CREB5: variants seen among roughly 807,000 people sequenced by gnomAD.
CREB5 encodes cAMP responsive element binding protein 5, also known as cyclic AMP-responsive element-binding protein 5.
Under a neutral mutation model 57.1 loss-of-function variants are expected in CREB5, and 19 were observed. That is an observed-to-expected ratio of 0.33 (90% CI 0.23 to 0.49). The LOEUF is 0.49. Ranked by LOEUF, CREB5 falls within the 20% of genes least tolerant of loss-of-function variation. The pLI is 0.99. For synonymous variants in CREB5, 238 were observed against 238.3 expected, an observed-to-expected ratio of 1.00 and a Z score of 0.01; for missense variants, 579 against 671.6, an observed-to-expected ratio of 0.86 and a Z score of 1.52.
intron 5 of CREB5, among the ~76,000 whole-genome samples, chr7:28,706,164 G>A (rs141986090): frequency 2.4e-3 from 363 of 152,246 alleles, no homozygotes; most frequent in African/African-American, 8.0e-3. Context: ...AGACCAGCTC[G>A]GCCAACATGG....
At chr7:28,650,167 G>T (rs557297723) in intron 5 of CREB5, among the ~76,000 whole-genome samples, 1 of 152,148 alleles carries the variant, frequency 6.6e-6, no homozygotes, top group Non-Finnish European at 1.5e-5. Flanking sequence ...GAAAAATTCT[G>T]TGTCCAGAAT....
chr7:28,312,407 G>C (rs1048843302), intron 1 of CREB5, among the ~76,000 whole-genome samples: 1 of 152,204 alleles, frequency 6.6e-6, no homozygotes, highest in Non-Finnish European at 1.5e-5. Context: ...TGGTGGAGCT[G>C]CAAGGAATGC....
intron 4 of CREB5, among the ~76,000 whole-genome samples, chr7:28,524,975 C>T (rs976102575): frequency 2.6e-5 from 4 of 151,956 alleles, no homozygotes; most frequent in South Asian, 2.1e-4. Flanking sequence ...CTTCATTCCC[C>T]GAACCCCACC....
At position 28,825,799 on chromosome 7, in the gene CREB5, ATC is replaced by A. The variant is rs928692304; in HGVS notation, c.*6524_*6525del. On this transcript the variant is annotated 3_prime_UTR_variant, in exon 11 of 11. Coordinates refer to ENST00000357727, the MANE Select transcript of CREB5 (RefSeq NM_182898.4). ...CTGTTCAACTAGGTCAGATTTTTAC[ATC>A]TCTTTCTAGCAAGAAGAGACAAGAT... is the stretch of plus-strand genomic sequence containing the variant. 6.6e-6 allele frequency: 1 copy of A among 152,666 alleles called. No homozygotes were observed. Among genetic ancestry groups the A allele is most frequent in the African/African-American group, 2.4e-5 (1 of 41,464 alleles). The allele number at this position is 152,666 out of a possible 1,614,324, so 9.5% of individuals were successfully genotyped here. A position where few individuals can be genotyped will look rare whatever the true frequency, so the allele number is the denominator to read the frequency against.
chr7:28,370,320 C>G (rs2127993836), intron 1 of CREB5, among the ~76,000 whole-genome samples: 1 of 152,316 alleles, frequency 6.6e-6, no homozygotes, highest in African/African-American at 2.4e-5. Context: ...CTCAACATCT[C>G]TCTGCCTCAT....
intron 1 of CREB5, among the ~76,000 whole-genome samples, chr7:28,414,364 T>A (rs1464949821): frequency 2.6e-5 from 4 of 152,118 alleles, no homozygotes; most frequent in Non-Finnish European, 5.9e-5. Context: ...TTGTCCACTT[T>A]GACTACCAGC....
intron 2 of CREB5, among the ~76,000 whole-genome samples, chr7:28,490,369 G>T (rs946677541): frequency 1.3e-5 from 2 of 152,180 alleles, no homozygotes; most frequent in African/African-American, 4.8e-5. Context: ...CTAAGGAAGG[G>T]GCATTTAATG....
intron 5 of CREB5, among the ~76,000 whole-genome samples, chr7:28,669,043 C>T (rs1309935623): frequency 6.6e-6 from 1 of 152,190 alleles, no homozygotes; most frequent in Non-Finnish European, 1.5e-5. Flanking sequence ...AGAAAGAACA[C>T]ATCTGGCTTG....
chr7:28,426,852 G>A (rs963208548), intron 1 of CREB5, among the ~76,000 whole-genome samples: 2 of 152,068 alleles, frequency 1.3e-5, no homozygotes, highest in African/African-American at 4.8e-5. Flanking sequence ...TTCTTTCATC[G>A]AATTAGCATA....
rs182306816 is a variant in CREB5, at chr7:28,820,027, G to T, written c.*748G>T. 6.7e-6 allele frequency: 1 copy of T among 149,948 alleles called. No individual in the cohort carries two copies. 9.3% of individuals were successfully genotyped at this position (149,948 alleles called of 1,614,324 possible). A position where few individuals can be genotyped will look rare whatever the true frequency, so the allele number is the denominator to read the frequency against. ...AAAAAAAAAAGCAAACCTCCAAAAC[G>T]TGGACCTAACCATTGCTTCACTTAC... On this transcript the variant is annotated 3_prime_UTR_variant, in exon 11 of 11. Coordinates refer to ENST00000357727, the MANE Select transcript of CREB5 (RefSeq NM_182898.4).
At chr7:28,733,672 T>C (rs929279444) in intron 7 of CREB5, among the ~76,000 whole-genome samples, 1 of 152,200 alleles carries the variant, frequency 6.6e-6, no homozygotes, top group African/African-American at 2.4e-5. Flanking sequence ...GTGTTGTCAT[T>C]GTCCATGGAC....
chr7:28,516,324 G>A (rs62449890), intron 4 of CREB5, among the ~76,000 whole-genome samples: 2,480 of 152,222 alleles, frequency 0.016, 29 homozygotes, highest in Non-Finnish European at 0.024. Flanking sequence ...TAGAGAGATC[G>A]GTGTGGGACA....
At chr7:28,510,175 T>C (rs1330182059) in intron 4 of CREB5, among the ~76,000 whole-genome samples, 1 of 152,244 alleles carries the variant, frequency 6.6e-6, no homozygotes. Context: ...ACCAGGTTTT[T>C]CCAGCTGTCA....
intron 7 of CREB5, among the ~76,000 whole-genome samples, chr7:28,739,850 T>A (rs1804234395): frequency 6.6e-6 from 1 of 152,224 alleles, no homozygotes; most frequent in Admixed American, 6.5e-5. Context: ...ACAGAGTTCT[T>A]ACAGCTTTAG....
chr7:28,567,777 A>G (rs1340326222), intron 4 of CREB5, among the ~76,000 whole-genome samples: 2 of 152,166 alleles, frequency 1.3e-5, no homozygotes, highest in African/African-American at 2.4e-5. Flanking sequence ...GAGGGTAGGA[A>G]ATATCTAGAA....
intron 5 of CREB5, among the ~76,000 whole-genome samples, chr7:28,702,617 A>C (rs1801919523): frequency 6.6e-6 from 1 of 152,216 alleles, no homozygotes; most frequent in Admixed American, 6.5e-5. Flanking sequence ...GTGAAAGGAA[A>C]CCAGAATGAT....
At chr7:28,484,682 T>G (rs898428389) in intron 1 of CREB5, among the ~76,000 whole-genome samples, 1 of 152,230 alleles carries the variant, frequency 6.6e-6, no homozygotes, top group African/African-American at 2.4e-5. Context: ...ACAGACTCAC[T>G]TATGTTGTAA....
intron 5 of CREB5, among the ~76,000 whole-genome samples, chr7:28,583,384 A>C (rs932498979): frequency 3.9e-5 from 6 of 152,196 alleles, no homozygotes; most frequent in Non-Finnish European, 7.3e-5. Flanking sequence ...CTGAGGTGAT[A>C]GGTGATTGAG....
chr7:28,412,482 A>T (rs532954909), upstream of CREB5: 1 of 155,598 alleles, frequency 6.4e-6, no homozygotes, highest in Admixed American at 6.5e-5. Flanking sequence ...TGCGTAGCGC[A>T]GGAGTATAAA....
Sources: allele counts gnomAD v4.1 joint callset (sites outside exome capture counted in the v4.1 genomes callset), GRCh38; gene constraint gnomAD v4.1.1; transcripts MANE v1.5; gene names NCBI Gene and HGNC (gene_info 2026-07-23, HGNC 2026-07-21).